The following MME variants were observed in gnomAD, a reference collection of about 807,000 sequenced individuals.
MME encodes neprilysin.
A neutral mutation model predicts 113.2 loss-of-function variants in MME; 98 were observed. That is an observed-to-expected ratio of 0.87 (90% CI 0.74 to 1.02). The LOEUF is 1.02. Among genes scored for constraint, MME ranks in the 50% least tolerant of loss-of-function variants. The pLI, the probability that MME is intolerant of heterozygous loss-of-function variation, is 0.00. For synonymous variants in MME, 292 were observed against 300.6 expected (o/e 0.97, Z 0.30); for missense variants, 836 against 896.0 (o/e 0.93, Z 0.86).
chr3:155,039,534 T>C (rs1025571967), intron 1 of MME, among the ~76,000 whole-genome samples: 2 of 152,090 alleles, frequency 1.3e-5, no homozygotes, highest in African/African-American at 4.8e-5. Flanking sequence ...AATAACATAG[T>C]TGGAAAAGAA....
chr3:155,074,102 C>G (rs530298437), intron 1 of MME, among the ~76,000 whole-genome samples: 12 of 151,908 alleles, frequency 7.9e-5, no homozygotes, highest in African/African-American at 2.7e-4. Context: ...TAACACAATA[C>G]TTACTACTGA....
chr3:155,048,389 T>C (rs1302636054), intron 1 of MME, among the ~76,000 whole-genome samples: 1 of 152,230 alleles, frequency 6.6e-6, no homozygotes, highest in Non-Finnish European at 1.5e-5. Flanking sequence ...TGTCTTCTTT[T>C]GTTTCTTTTC....
intron 18 of MME, 112 bp from the exon 19 acceptor site, chr3:155,168,380 A>G: frequency 1.0e-6 from 1 of 960,366 alleles, no homozygotes; most frequent in South Asian, 1.4e-5. Context: ...TCGTCTGCCT[A>G]ATTTAATGTT....
rs1715418585 is a variant in MME, at chr3:155,084,051, A to G, written c.-10-107A>G. 1.1e-5 allele frequency: 12 copies of G among 1,063,930 alleles called. No individual in the cohort carries two copies. The Admixed American group carries it at 2.1e-4, about 19-fold the overall frequency. The allele number at this position is 1,063,930 out of a possible 1,614,324, so 65.9% of individuals were successfully genotyped here. A position where few individuals can be genotyped will look rare whatever the true frequency, so the allele number is the denominator to read the frequency against. ...TTCTCAACAGCAAAAATGTATTTCT[A>G]TTTTAAAATAACTGAGCCTTTTACT... On this transcript the variant is annotated intron_variant, in intron 1 of 22. Coordinates refer to ENST00000360490, the MANE Select transcript of MME (RefSeq NM_007289.4).
intron 1 of MME, among the ~76,000 whole-genome samples, chr3:155,061,336 A>C (rs1442205347): frequency 6.6e-6 from 1 of 151,420 alleles, no homozygotes. Flanking sequence ...CTGTAGTCCC[A>C]GCTACTTGGG....
At chr3:155,119,789 C>T (rs1458135843) in intron 8 of MME, among the ~76,000 whole-genome samples, 1 of 132,668 alleles carries the variant, frequency 7.5e-6, no homozygotes, top group Non-Finnish European at 1.6e-5. Flanking sequence ...GTATATGTGC[C>T]ACATTTTCTT....
At chr3:155,079,171 G>A (rs907197812), upstream of MME, among the ~76,000 whole-genome samples, 2 of 151,960 alleles carry the variant, frequency 1.3e-5, no homozygotes, top group Non-Finnish European at 2.9e-5. Flanking sequence ...GAGCAAGGAA[G>A]GAAAGAAGGA....
chr3:155,180,288 G>T, intron 22 of MME, 72 bp from the exon 23 acceptor site: 1 of 1,067,960 alleles, frequency 9.4e-7, no homozygotes, highest in Non-Finnish European at 1.5e-6. Context: ...AGAGGGAAAT[G>T]CTTCAGGGCT....
Position 155,080,363 on chromosome 3 carries a change from C to G in MME, c.-114C>G, listed in dbSNP as rs201211722. 7 of 152,314 alleles carry G rather than the reference C, an allele frequency of 4.6e-5. No individual in the cohort carries two copies. Among genetic ancestry groups the G allele is most frequent in the Non-Finnish European group, 4.4e-5 (3 of 68,168 alleles). The allele number at this position is 152,314 out of a possible 1,614,324, so 9.4% of individuals were successfully genotyped here. On this transcript the variant is annotated 5_prime_UTR_variant, in exon 1 of 23. Transcript: ENST00000360490. ...GCCTTGGGGAGTTATGTTTTGTTAC[C>G]GAGATCCGCGCTACCAGATTGCACC...
At chr3:155,067,089 T>C (rs1359220625) in intron 1 of MME, among the ~76,000 whole-genome samples, 1 of 151,828 alleles carries the variant, frequency 6.6e-6, no homozygotes, top group Admixed American at 6.6e-5. Flanking sequence ...ATTTTCTGGA[T>C]GTAGATAATG....
intron 1 of MME, among the ~76,000 whole-genome samples, chr3:155,057,795 T>C (rs755718836): frequency 6.6e-6 from 1 of 151,746 alleles, no homozygotes; most frequent in African/African-American, 2.4e-5. Context: ...ATTCATCTCC[T>C]CTCCCCATAC....
chr3:155,144,023 G>A (rs1721319583), intron 13 of MME, among the ~76,000 whole-genome samples: 2 of 152,244 alleles, frequency 1.3e-5, no homozygotes, highest in South Asian at 4.1e-4. Flanking sequence ...TTATTGAAAT[G>A]CTACTTTATG....
intron 14 of MME, among the ~76,000 whole-genome samples, chr3:155,145,059 C>G (rs1721399351): frequency 6.6e-6 from 1 of 152,076 alleles, no homozygotes; most frequent in African/African-American, 2.4e-5. Context: ...GATAATCAAC[C>G]TTGGTCTAGT....
chr3:155,180,658 A>C lies in MME; in HGVS notation c.*199A>C. On this transcript the variant is annotated 3_prime_UTR_variant, in exon 23 of 23. Transcript: ENST00000360490. ...GAGGGAGGAAGGGGGTCTAAGGTCT[A>C]TCAAGTCAATCATTTCTCACTGTGT... The C allele has an allele frequency of 1.7e-6, 1 of 583,858 alleles. No individual in the cohort carries two copies. The highest frequency in any genetic ancestry group is 3.1e-6 in the Non-Finnish European group (1 of 320,646). The allele number at this position is 583,858 out of a possible 1,614,324, so 36.2% of individuals were successfully genotyped here.
intron 1 of MME, among the ~76,000 whole-genome samples, chr3:155,044,132 T>C (rs1266544285): frequency 6.3e-5 from 9 of 144,000 alleles, no homozygotes; most frequent in Admixed American, 1.4e-4. Context: ...TTTCTTTTTT[T>C]TTTTTTTTTT....
chr3:155,183,051 T>C lies in MME; in HGVS notation c.*2592T>C, dbSNP rs1406707299. On this transcript the variant is annotated 3_prime_UTR_variant, in exon 23 of 23. Coordinates refer to ENST00000360490, the MANE Select transcript of MME (RefSeq NM_007289.4). ...AGTTTAGAAGCTGAGACACAAAGGG[T>C]TGGGAGCTGATGAAACTCACAAATG... 2.6e-5 allele frequency: 4 copies of C among 152,050 alleles called. No individual in the cohort carries two copies. Among genetic ancestry groups the C allele is most frequent in the Non-Finnish European group, 2.9e-5 (2 of 68,032 alleles). 9.4% of individuals were successfully genotyped at this position (152,050 alleles called of 1,614,324 possible). A position where few individuals can be genotyped will look rare whatever the true frequency, so the allele number is the denominator to read the frequency against.
Position 155,033,657 on chromosome 3 carries a change from G to C in MME, c.-11+9333G>C, listed in dbSNP as rs1459245530. On this transcript the variant is annotated intron_variant, in intron 1 of 22. Coordinates refer to the MME transcript ENST00000492661. ...GTTGGCTAAACATTGCTTCCTATTT[G>C]ATGTTAAAACAGTCTATCAGTTCTT... is the stretch of plus-strand genomic sequence containing the variant. Among the ~76,000 whole-genome samples, 3 of 152,166 alleles carry C rather than the reference G, an allele frequency of 2.0e-5. No individual in the cohort carries two copies. In the East Asian group the frequency reaches 5.8e-4, roughly 29 times the overall value.
chr3:155,121,465 T>C (rs1344526909), intron 8 of MME, among the ~76,000 whole-genome samples: 3 of 149,434 alleles, frequency 2.0e-5, no homozygotes, highest in Non-Finnish European at 4.5e-5. Context: ...TGAATAGGAG[T>C]GGTGAGAGAG....
rs538619392 is a variant in MME, at chr3:155,144,815, T to A, written c.1416+358T>A. On this transcript the variant is annotated intron_variant, in intron 14 of 22. Transcript: ENST00000360490. Reference sequence around the variant, plus strand: ...GTGCAGCTTTTATTGAGACTTTTACTGAGTTTCATAAGAATAGGTCTAAGA... The same window carrying A: ...GTGCAGCTTTTATTGAGACTTTTACAGAGTTTCATAAGAATAGGTCTAAGA... 2.0e-5 allele frequency among the ~76,000 whole-genome samples: 3 copies of A among 152,300 alleles called. No homozygotes were observed. In the East Asian group the frequency reaches 5.8e-4, roughly 29 times the overall value.
Sources: gnomAD v4.1 joint callset for allele counts (sites outside exome capture counted in the v4.1 genomes callset) on GRCh38, gnomAD v4.1.1 for gene constraint, MANE v1.5 for transcripts, NCBI Gene and HGNC (gene_info 2026-07-23, HGNC 2026-07-21) for gene names.